OTUD7A: variants seen among roughly 807,000 people sequenced by gnomAD.
OTUD7A encodes the protein OTU deubiquitinase 7A.
Under a neutral mutation model 65.7 loss-of-function variants are expected in OTUD7A, and 12 were observed. The ratio of observed to expected loss-of-function variants is 0.18; its 90% CI spans 0.12 to 0.30. OTUD7A has a LOEUF of 0.30. OTUD7A is among the 10% of genes least tolerant of loss of function. The pLI, the probability that OTUD7A is intolerant of heterozygous loss-of-function variation, is 1.00. For missense variants in OTUD7A, 1,148 were observed against 1,304.8 expected (o/e 0.88, Z 1.85); for synonymous variants, 641 against 586.3 (o/e 1.09, Z -1.35).
At chr15:31,852,521 G>A (rs532012418) in intron 1 of OTUD7A, among the ~76,000 whole-genome samples, 1 of 152,210 alleles carries the variant, frequency 6.6e-6, no homozygotes, top group African/African-American at 2.4e-5. Context: ...TCACAGATTT[G>A]TAACTACAAA....
intron 1 of OTUD7A, among the ~76,000 whole-genome samples, chr15:31,793,918 G>A (rs567258250): frequency 1.3e-5 from 2 of 152,290 alleles, no homozygotes; most frequent in East Asian, 1.9e-4. Context: ...TCTGTCTATT[G>A]ATGCTACCAA....
chr15:31,813,665 C>A (rs534195323), intron 1 of OTUD7A, among the ~76,000 whole-genome samples: 1 of 152,276 alleles, frequency 6.6e-6, no homozygotes. Flanking sequence ...AAAAATAGTA[C>A]ATAACATTCA....
At chr15:31,730,999 G>A (rs935749492) in intron 1 of OTUD7A, among the ~76,000 whole-genome samples, 1 of 152,176 alleles carries the variant, frequency 6.6e-6, no homozygotes, top group Non-Finnish European at 1.5e-5. Context: ...ATATCCTTAG[G>A]ACTAAATCCA....
chr15:31,749,686 G>A (rs932840992), intron 1 of OTUD7A, among the ~76,000 whole-genome samples: 1 of 152,042 alleles, frequency 6.6e-6, no homozygotes, highest in African/African-American at 2.4e-5. Context: ...ATTCAACATA[G>A]TGCTGGAAGT....
intron 1 of OTUD7A, among the ~76,000 whole-genome samples, chr15:31,753,124 T>C (rs943194249): frequency 3.9e-5 from 6 of 152,182 alleles, no homozygotes; most frequent in Non-Finnish European, 7.3e-5. Context: ...AATGGCGCAG[T>C]TTGATGCCAC....
At chr15:31,825,779 C>T (rs1896782615) in intron 1 of OTUD7A, among the ~76,000 whole-genome samples, 1 of 152,198 alleles carries the variant, frequency 6.6e-6, no homozygotes, top group Non-Finnish European at 1.5e-5. Flanking sequence ...AATGGGGGTA[C>T]AGACATTGGG....
At chr15:31,767,814 C>G (rs944775212) in intron 1 of OTUD7A, 1 of 814,282 alleles carries the variant, frequency 1.2e-6, no homozygotes, top group African/African-American at 1.7e-5. Flanking sequence ...CTATCTTTAT[C>G]TTTGGAAAAG....
chr15:31,626,181 A>G (rs902170988), intron 3 of OTUD7A, among the ~76,000 whole-genome samples: 1 of 152,232 alleles, frequency 6.6e-6, no homozygotes, highest in African/African-American at 2.4e-5. Context: ...CATTGCACAT[A>G]GATTTTACCA....
intron 3 of OTUD7A, among the ~76,000 whole-genome samples, chr15:31,591,299 C>T (rs113601792): frequency 0.034 from 5,155 of 152,060 alleles, 309 homozygotes; most frequent in African/African-American, 0.12. Context: ...TGGTCTGCAG[C>T]GGATACATGG....
intron 1 of OTUD7A, among the ~76,000 whole-genome samples, chr15:31,747,379 T>G (rs1894508833): frequency 6.6e-6 from 1 of 152,138 alleles, no homozygotes; most frequent in Non-Finnish European, 1.5e-5. Flanking sequence ...CTGATTTCAG[T>G]GCTGGAGCAA....
chr15:31,825,890 C>G lies in OTUD7A; in HGVS notation c.-100+44617G>C, dbSNP rs147101793. The stretch of plus-strand genomic sequence containing the variant: ...TTGGGGCAGTCAAATCTTAAAGCTC[C>G]AAAATGATCTCCTTTGACTCCATGT... On this transcript the variant is annotated intron_variant, in intron 1 of 12. Coordinates refer to ENST00000307050, the MANE Select transcript of OTUD7A (RefSeq NM_001382637.1). 5.3e-3 allele frequency among the ~76,000 whole-genome samples: 800 copies of G among 152,344 alleles called. 10 individuals carry two copies. The highest frequency in any genetic ancestry group is 0.019 in the African/African-American group (774 of 41,582).
chr15:31,867,940 G>GGC (rs1897923410), intron 1 of OTUD7A, among the ~76,000 whole-genome samples: 2 of 152,154 alleles, frequency 1.3e-5, no homozygotes, highest in South Asian at 4.1e-4. Context: ...GGAGCACACC[G>GGC]GCGCACACAC....
chr15:31,565,093 A>C (rs1888823067), intron 4 of OTUD7A, among the ~76,000 whole-genome samples: 1 of 152,218 alleles, frequency 6.6e-6, no homozygotes, highest in African/African-American at 2.4e-5. Flanking sequence ...TATGTATTAA[A>C]ATTTCTAACT....
intron 3 of OTUD7A, among the ~76,000 whole-genome samples, chr15:31,577,670 C>T (rs904743957): frequency 2.6e-5 from 4 of 151,970 alleles, no homozygotes; most frequent in Non-Finnish European, 5.9e-5. Flanking sequence ...CGTACTGGCT[C>T]AGAAGGGCGA....
chr15:31,832,179 G>A (rs1296896327), intron 1 of OTUD7A, among the ~76,000 whole-genome samples: 4 of 152,222 alleles, frequency 2.6e-5, no homozygotes, highest in Non-Finnish European at 4.4e-5. Flanking sequence ...TTGACCCAGA[G>A]GTATCTCAGG....
At chr15:31,545,897 G>A (rs1888116344) in intron 5 of OTUD7A, among the ~76,000 whole-genome samples, 1 of 152,090 alleles carries the variant, frequency 6.6e-6, no homozygotes, top group Admixed American at 6.5e-5. Flanking sequence ...TTATCTGTGG[G>A]TTCTGAATCT....
rs550089042 is a variant in OTUD7A at position 31,526,689 on chromosome 15, A to G, written c.781-228T>C. ...GCTGCTGGGAATCTGCCCACCAACA[A>G]GGGTCATTCTCAGGGGCTGGGGATG... On this transcript the variant is annotated intron_variant, in intron 7 of 12. Transcript: ENST00000307050. 3.7e-4 allele frequency among the ~76,000 whole-genome samples: 57 copies of G among 152,316 alleles called. 1 individual carries two copies. The South Asian group carries it at 0.011, about 30-fold the overall frequency.
chr15:31,669,310 G>C (rs1013325658), intron 1 of OTUD7A, among the ~76,000 whole-genome samples: 2 of 152,264 alleles, frequency 1.3e-5, no homozygotes, highest in African/African-American at 4.8e-5. Context: ...ACTGTCCTTC[G>C]GTGCGTCTTG....
intron 8 of OTUD7A, among the ~76,000 whole-genome samples, chr15:31,517,135 C>A (rs2041870448): frequency 6.6e-6 from 1 of 152,224 alleles, no homozygotes; most frequent in African/African-American, 2.4e-5. Context: ...GGCAACCAGG[C>A]ATTAGGACAC....
Sources: allele counts gnomAD v4.1 joint callset (sites outside exome capture counted in the v4.1 genomes callset), GRCh38; gene constraint gnomAD v4.1.1; transcripts MANE v1.5; gene names NCBI Gene and HGNC (gene_info 2026-07-23, HGNC 2026-07-21).